The following ATF7IP2 variants were observed in gnomAD, a reference collection of about 807,000 sequenced individuals.
ATF7IP2 encodes the protein activating transcription factor 7-interacting protein 2.
ATF7IP2 carries 42 observed loss-of-function variants against 64.2 expected under a neutral mutation model. The ratio of observed to expected loss-of-function variants is 0.65; its 90% confidence interval spans 0.51 to 0.85. The LOEUF (loss-of-function observed/expected upper bound fraction) is 0.85, where lower values mean the gene tolerates loss of function less well. ATF7IP2 is among the 40% of genes least tolerant of loss of function. The pLI is 0.00. For missense variants in ATF7IP2, 933 were observed against 784.2 expected (o/e 1.19, Z -2.27); for synonymous variants, 308 against 272.8 (o/e 1.13, Z -1.27).
At chr16:10,472,946 C>T (rs2049859930) in intron 10 of ATF7IP2, among the ~76,000 whole-genome samples, 1 of 151,028 alleles carries the variant, frequency 6.6e-6, no homozygotes, top group East Asian at 1.9e-4. Context: ...CTCATAATTT[C>T]TTATTCAAAA....
At chr16:10,419,503 A>G (rs2047949203) in intron 2 of ATF7IP2, 78 bp from the exon 3 acceptor site, 1 of 153,308 alleles carries the variant, frequency 6.5e-6, no homozygotes, top group South Asian at 2.0e-4. Flanking sequence ...CTAAAGGAAT[A>G]CTCATGGCAA....
chr16:10,415,721 T>G (rs1567437671), intron 2 of ATF7IP2, among the ~76,000 whole-genome samples: 1 of 152,208 alleles, frequency 6.6e-6, no homozygotes, highest in Non-Finnish European at 1.5e-5. Flanking sequence ...GACATGGCAT[T>G]AATAACCAGA....
chr16:10,431,355 T>C lies in ATF7IP2; in HGVS notation c.735T>C (p.Ala245=), dbSNP rs2048246024. The change falls in exon 5 of 14, where the codon GCT becomes GCC. Residue 245 remains alanine, a synonymous_variant. Coordinates refer to ENST00000562102, the MANE Select transcript of ATF7IP2 (RefSeq NM_001393719.1). ...ATTCAGTCACTTCTAACAACTGTGC[T>C]GATGACATTTTGAAAACTGATGAGT... ...LVNSVTSNNC[A]DDILKTDECS... 1 of 1,614,074 alleles carries C rather than the reference T, an allele frequency of 6.2e-7. No individual in the cohort carries two copies. Among genetic ancestry groups the C allele is most frequent in the Non-Finnish European group, 8.5e-7 (1 of 1,180,016 alleles).
chr16:10,427,838 G>A (rs1324524281), intron 3 of ATF7IP2, among the ~76,000 whole-genome samples: 1 of 148,110 alleles, frequency 6.8e-6, no homozygotes, highest in Admixed American at 6.8e-5. Context: ...TAACAGAGCA[G>A]CAAGACCCTG....
chr16:10,422,630 C>T (rs1320782367), intron 3 of ATF7IP2, among the ~76,000 whole-genome samples: 1 of 152,184 alleles, frequency 6.6e-6, no homozygotes, highest in East Asian at 1.9e-4. Context: ...ACAGCCAGTG[C>T]TGTAGAGAAA....
chr16:10,418,367 G>A (rs781478748), intron 2 of ATF7IP2, among the ~76,000 whole-genome samples: 2 of 152,158 alleles, frequency 1.3e-5, no homozygotes, highest in Non-Finnish European at 2.9e-5. Context: ...TTTTGTTTAT[G>A]GCCAGTTTTG....
At chr16:10,451,988 G>A (rs1241695333) in intron 8 of ATF7IP2, among the ~76,000 whole-genome samples, 1 of 151,950 alleles carries the variant, frequency 6.6e-6, no homozygotes, top group South Asian at 2.1e-4. Flanking sequence ...GGAGGCAGAG[G>A]TTGCAGTGAG....
chr16:10,450,448 C>G (rs1229051890), intron 8 of ATF7IP2, among the ~76,000 whole-genome samples: 1 of 152,132 alleles, frequency 6.6e-6, no homozygotes, highest in African/African-American at 2.4e-5. Flanking sequence ...GTCTGAGAGT[C>G]TTAAGTCTCT....
At chr16:10,450,029 C>T (rs903737014) in intron 8 of ATF7IP2, among the ~76,000 whole-genome samples, 2 of 152,100 alleles carry the variant, frequency 1.3e-5, no homozygotes, top group African/African-American at 4.8e-5. Flanking sequence ...TCTTTGGTCC[C>T]ATTGGTTTCA....
intron 1 of ATF7IP2, among the ~76,000 whole-genome samples, chr16:10,414,078 A>G (rs1204049692): frequency 6.6e-6 from 1 of 152,156 alleles, no homozygotes; most frequent in Non-Finnish European, 1.5e-5. Context: ...CTCTTTTTGC[A>G]GTGAATTTCC....
At chr16:10,404,470 C>A (rs933381065) in intron 1 of ATF7IP2, among the ~76,000 whole-genome samples, 2 of 152,126 alleles carry the variant, frequency 1.3e-5, no homozygotes, top group African/African-American at 4.8e-5. Flanking sequence ...GTCTTGAACT[C>A]CTGACTTTAT....
chr16:10,419,942 G>A (rs945841513), intron 3 of ATF7IP2, among the ~76,000 whole-genome samples: 5 of 152,232 alleles, frequency 3.3e-5, no homozygotes, highest in African/African-American at 1.2e-4. Context: ...TTCAGCTGCT[G>A]ATAGCATCTG....
chr16:10,392,970 A>G (rs938289939), intron 1 of ATF7IP2, among the ~76,000 whole-genome samples: 8 of 152,052 alleles, frequency 5.3e-5, no homozygotes, highest in Admixed American at 2.6e-4. Flanking sequence ...CTGAGCAACA[A>G]CGTGAATCCA....
At position 10,483,331 on chromosome 16, in the gene ATF7IP2, C is replaced by CATCA. The variant is rs1402805471; in HGVS notation, c.*1083_*1086dup. 1 of 152,098 alleles carries CATCA rather than the reference C, an allele frequency of 6.6e-6. No individual in the cohort carries two copies. Among genetic ancestry groups the CATCA allele is most frequent in the Non-Finnish European group, 1.5e-5 (1 of 68,022 alleles). The allele number at this position is 152,098 out of a possible 1,614,324, so 9.4% of individuals were successfully genotyped here. A position where few individuals can be genotyped will look rare whatever the true frequency, so the allele number is the denominator to read the frequency against. On this transcript the variant is annotated 3_prime_UTR_variant, in exon 14 of 14. Coordinates refer to ENST00000562102, the MANE Select transcript of ATF7IP2 (RefSeq NM_001393719.1). ...TACCCTTTGATCATTTCCTGGCCAC[C>CATCA]ATCACAATACTAAGGGGCTCAGATG...
intron 9 of ATF7IP2, among the ~76,000 whole-genome samples, chr16:10,467,168 C>T (rs533698539): frequency 3.3e-5 from 5 of 152,284 alleles, no homozygotes; most frequent in African/African-American, 1.2e-4. Context: ...TAAGACATAG[C>T]CTACCATGGT....
At chr16:10,475,722 G>GAAAAAAAAAAAAAAAAAAAAAAAAAAAGA (rs386384218) in intron 12 of ATF7IP2, among the ~76,000 whole-genome samples, 1 of 41,644 alleles carries the variant, frequency 2.4e-5, no homozygotes, top group Non-Finnish European at 4.0e-5. Flanking sequence ...TAAGAAGCCA[G>GAAAAAAAAAAAAAAAAAAAAAAAAAAAGA]AAAAAAAAAA....
Position 10,438,108 on chromosome 16 carries a change from A to G in ATF7IP2, c.968A>G (p.His323Arg), listed in dbSNP as rs1281698856. The part of the protein sequence containing the change: ...RQTAFLEQVR[H>R]LIQQEIYSIN... Reference sequence around the variant, plus strand: ...TTTATTTTAAAATTCTAGGTCAGACATTTGATTCAGCAGGAGATCTATAGC... The same window carrying G: ...TTTATTTTAAAATTCTAGGTCAGACGTTTGATTCAGCAGGAGATCTATAGC... The change falls in exon 7 of 14, where the codon CAT becomes CGT. Residue 323 changes from histidine (H) to arginine (R), a missense_variant. Transcript: ENST00000562102. The G allele has an allele frequency of 6.5e-7, 1 of 1,546,034 alleles. No homozygotes were observed. The highest frequency in any genetic ancestry group is 8.7e-7 in the Non-Finnish European group (1 of 1,152,398).
At chr16:10,462,981 T>G (rs1428924832) in intron 9 of ATF7IP2, among the ~76,000 whole-genome samples, 1 of 152,222 alleles carries the variant, frequency 6.6e-6, no homozygotes, top group Non-Finnish European at 1.5e-5. Context: ...TCAATTTGTA[T>G]ATTTTTCAGT....
chr16:10,440,058 G>T (rs1390248096), intron 7 of ATF7IP2, among the ~76,000 whole-genome samples: 1 of 152,012 alleles, frequency 6.6e-6, no homozygotes, highest in East Asian at 2.0e-4. Flanking sequence ...TACTTGGGAG[G>T]CTGAGGCAGG....
Sources: gnomAD v4.1 joint callset for allele counts (sites outside exome capture counted in the v4.1 genomes callset) on GRCh38, gnomAD v4.1.1 for gene constraint, MANE v1.5 for transcripts, NCBI Gene and HGNC (gene_info 2026-07-23, HGNC 2026-07-21) for gene names.